The following PTPRT variants were observed in gnomAD, a reference collection of about 807,000 sequenced individuals.
PTPRT encodes receptor-type tyrosine-protein phosphatase T.
PTPRT carries 56 observed loss-of-function variants against 176.8 expected under a neutral mutation model. The ratio of observed to expected loss-of-function variants is 0.32; its 90% CI spans 0.26 to 0.40. The LOEUF (loss-of-function observed/expected upper bound fraction) is 0.40, where lower values mean the gene tolerates loss of function less well. Ranked by LOEUF, PTPRT falls within the 10% of genes least tolerant of loss-of-function variation. PTPRT has a pLI of 1.00. For synonymous variants in PTPRT, 783 were observed against 739.0 expected, an observed-to-expected ratio of 1.06 and a Z score of -0.96; for missense variants, 1,540 against 1,908.2, an observed-to-expected ratio of 0.81 and a Z score of 3.60.
chr20:42,329,536 C>T (rs752848414), intron 11 of PTPRT, among the ~76,000 whole-genome samples: 37 of 151,154 alleles, frequency 2.4e-4, no homozygotes, highest in Non-Finnish European at 4.4e-4. Context: ...GGCAACATCA[C>T]CGTTCAGTAA....
intron 7 of PTPRT, among the ~76,000 whole-genome samples, chr20:42,502,377 C>G (rs1307986046): frequency 6.7e-6 from 1 of 150,298 alleles, no homozygotes; most frequent in Non-Finnish European, 1.5e-5. Context: ...GATAGGCACT[C>G]TCCTAGAAAA....
chr20:43,054,076 A>T (rs1261225868), intron 1 of PTPRT, among the ~76,000 whole-genome samples: 1 of 152,160 alleles, frequency 6.6e-6, no homozygotes, highest in Non-Finnish European at 1.5e-5. Flanking sequence ...GAGAAACCAC[A>T]AGAAGCCTCA....
chr20:42,796,645 G>A (rs2077459423), intron 2 of PTPRT, among the ~76,000 whole-genome samples: 1 of 152,248 alleles, frequency 6.6e-6, no homozygotes, highest in Non-Finnish European at 1.5e-5. Flanking sequence ...AGCATATGTT[G>A]CCTTCAGGAA....
chr20:42,496,802 G>A (rs190697241), intron 7 of PTPRT, among the ~76,000 whole-genome samples: 29 of 152,198 alleles, frequency 1.9e-4, no homozygotes, highest in African/African-American at 6.0e-4. Context: ...TAACGATGAT[G>A]ACATCTTCAA....
chr20:42,707,275 T>G (rs2076074542), intron 6 of PTPRT, among the ~76,000 whole-genome samples: 1 of 152,208 alleles, frequency 6.6e-6, no homozygotes. Context: ...GGTAGAATTC[T>G]GTTGGCTCTT....
At chr20:42,972,353 C>T (rs576584402) in intron 1 of PTPRT, among the ~76,000 whole-genome samples, 9 of 151,440 alleles carry the variant, frequency 5.9e-5, no homozygotes, top group Non-Finnish European at 1.2e-4. Context: ...TGATGTGGGG[C>T]TCTACAAGTC....
At position 43,057,133 on chromosome 20, in the gene PTPRT, G is replaced by C. The variant is rs528914495; in HGVS notation, c.88+132513C>G. On this transcript the variant is annotated intron_variant, in intron 1 of 30. Coordinates refer to ENST00000373187, the MANE Select transcript of PTPRT (RefSeq NM_007050.6). ...GCCAGGGGCTTGGGTGGGGAAGAGT[G>C]TGTCTCTTAAACAGTAACACAGGAG... Among the ~76,000 whole-genome samples the C allele has an allele frequency of 3.3e-5, 5 of 150,186 alleles. No individual in the cohort carries two copies. In the East Asian group the frequency reaches 9.8e-4, roughly 29 times the overall value.
chr20:42,162,794 C>A (rs1225962938), intron 16 of PTPRT, among the ~76,000 whole-genome samples: 1 of 152,296 alleles, frequency 6.6e-6, no homozygotes, highest in East Asian at 1.9e-4. Context: ...ATCCATGTGC[C>A]CTTCAGCTTA....
intron 13 of PTPRT, among the ~76,000 whole-genome samples, chr20:42,277,663 A>G (rs2057064378): frequency 6.6e-6 from 1 of 152,166 alleles, no homozygotes; most frequent in African/African-American, 2.4e-5. Flanking sequence ...GGAAGTGTCC[A>G]AAGTGTGAAG....
rs180959232 is a variant in PTPRT at position 42,148,059 on chromosome 20, C to T, written c.2683-6057G>A. ...TAGTGGCTAGTTACAGTAGATTGAC[C>T]AGGGAATGGTGGCAGTCATTAGGCG... On this transcript the variant is annotated intron_variant, in intron 17 of 30. Transcript: ENST00000373187. Among the ~76,000 whole-genome samples the T allele has an allele frequency of 1.4e-3, 220 of 152,234 alleles. 1 individual carries two copies. The highest frequency in any genetic ancestry group is 6.8e-3 in the Middle Eastern group (2 of 294).
At chr20:42,232,445 C>T (rs992017414) in intron 15 of PTPRT, among the ~76,000 whole-genome samples, 2 of 152,208 alleles carry the variant, frequency 1.3e-5, no homozygotes, top group Non-Finnish European at 2.9e-5. Flanking sequence ...GATGCTACCT[C>T]TCTGACAAGC....
chr20:42,729,289 C>T (rs2076425640), intron 6 of PTPRT, among the ~76,000 whole-genome samples: 1 of 151,972 alleles, frequency 6.6e-6, no homozygotes, highest in South Asian at 2.1e-4. Context: ...CTAGCGGATG[C>T]TATTAAAACC....
intron 9 of PTPRT, among the ~76,000 whole-genome samples, chr20:42,447,770 C>T (rs1000559746): frequency 4.6e-5 from 7 of 152,108 alleles, no homozygotes; most frequent in Non-Finnish European, 1.5e-5. Context: ...GGGCACAGAG[C>T]AATTTAAATC....
chr20:42,127,741 T>C (rs1366769500), intron 19 of PTPRT, among the ~76,000 whole-genome samples: 1 of 152,194 alleles, frequency 6.6e-6, no homozygotes, highest in Non-Finnish European at 1.5e-5. Context: ...GCAGTCATGC[T>C]CTTGCTTAGC....
intron 2 of PTPRT, among the ~76,000 whole-genome samples, chr20:42,816,468 C>T (rs916407878): frequency 7.9e-5 from 12 of 152,096 alleles, no homozygotes; most frequent in Non-Finnish European, 1.8e-4. Flanking sequence ...CTCTGTATCC[C>T]CACCCAAATC....
intron 6 of PTPRT, among the ~76,000 whole-genome samples, chr20:42,741,811 C>T (rs900175365): frequency 2.0e-5 from 3 of 152,014 alleles, no homozygotes; most frequent in Admixed American, 6.6e-5. Flanking sequence ...AATACCTAGA[C>T]GTACTAGATA....
intron 8 of PTPRT, among the ~76,000 whole-genome samples, chr20:42,464,600 T>C (rs984965161): frequency 6.6e-6 from 1 of 152,170 alleles, no homozygotes; most frequent in Non-Finnish European, 1.5e-5. Context: ...AAAAACATAA[T>C]TGCATTTCTC....
At chr20:42,270,980 A>G (rs1198466480) in intron 13 of PTPRT, among the ~76,000 whole-genome samples, 1 of 152,142 alleles carries the variant, frequency 6.6e-6, no homozygotes. Context: ...TGTTCAAGCC[A>G]ACCTTGTGTT....
chr20:42,746,282 G>T (rs773378119), intron 6 of PTPRT, among the ~76,000 whole-genome samples: 6 of 152,110 alleles, frequency 3.9e-5, no homozygotes, highest in Non-Finnish European at 7.4e-5. Flanking sequence ...TTCAAGTGAA[G>T]TTTCCCACTT....
Sources: allele counts gnomAD v4.1 joint callset (sites outside exome capture counted in the v4.1 genomes callset), GRCh38; gene constraint gnomAD v4.1.1; transcripts MANE v1.5; gene names NCBI Gene and HGNC (gene_info 2026-07-23, HGNC 2026-07-21).